Variants in EGFLAM observed in about 807,000 individuals in gnomAD.
EGFLAM encodes EGF like, fibronectin type III and laminin G domains.
EGFLAM carries 79 observed loss-of-function variants against 113.1 expected under a neutral mutation model. That is an observed-to-expected ratio of 0.70 (90% CI 0.58 to 0.84). The LOEUF (loss-of-function observed/expected upper bound fraction) is 0.84, where lower values mean the gene tolerates loss of function less well. Among genes scored for constraint, EGFLAM ranks in the 40% least tolerant of loss-of-function variants. The pLI, the probability that EGFLAM is intolerant of heterozygous loss-of-function variation, is 0.00. For missense variants in EGFLAM, 1,265 were observed against 1,291.6 expected, an observed-to-expected ratio of 0.98 and a Z score of 0.32; for synonymous variants, 504 against 487.6, an observed-to-expected ratio of 1.03 and a Z score of -0.44.
intron 5 of EGFLAM, among the ~76,000 whole-genome samples, chr5:38,354,195 G>T (rs997785407): frequency 2.1e-4 from 32 of 151,832 alleles, no homozygotes; most frequent in African/African-American, 7.5e-4. Context: ...GCTTTGCATT[G>T]AAGATAATCT....
chr5:38,436,328 T>A (rs555885635), intron 16 of EGFLAM, among the ~76,000 whole-genome samples: 51 of 152,088 alleles, frequency 3.4e-4, no homozygotes, highest in Non-Finnish European at 6.6e-4. Context: ...GGCTAAAGGA[T>A]CCTTTTTGGA....
In EGFLAM at chr5:38,464,200, C is replaced by G; in HGVS notation, c.*214C>G. Reference sequence around the variant, plus strand: ...CTCCACGAGCTGACCCAGCAGAATTCTCTGTGTAGGAAGCATCGGACTTTG... The same window carrying G: ...CTCCACGAGCTGACCCAGCAGAATTGTCTGTGTAGGAAGCATCGGACTTTG... On this transcript the variant is annotated 3_prime_UTR_variant, in exon 22 of 22. Coordinates refer to ENST00000322350, the MANE Select transcript of EGFLAM (RefSeq NM_152403.4). 1.7e-6 allele frequency: 1 copy of G among 592,630 alleles called. No homozygotes were observed. Among genetic ancestry groups the G allele is most frequent in the South Asian group, 2.3e-5 (1 of 42,788 alleles). 36.7% of individuals were successfully genotyped at this position (592,630 alleles called of 1,614,324 possible).
chr5:38,358,781 G>T (rs558966872), intron 5 of EGFLAM, among the ~76,000 whole-genome samples: 6 of 152,266 alleles, frequency 3.9e-5, no homozygotes, highest in African/African-American at 1.4e-4. Context: ...CTATTTGTTA[G>T]CTTTCTTTAT....
chr5:38,422,075 C>T (rs542978183), intron 12 of EGFLAM, among the ~76,000 whole-genome samples: 9 of 152,100 alleles, frequency 5.9e-5, no homozygotes, highest in East Asian at 5.8e-4. Context: ...GCCTCGGTTA[C>T]GGACTAGGGG....
intron 11 of EGFLAM, among the ~76,000 whole-genome samples, chr5:38,417,344 T>C (rs1741676837): frequency 1.5e-5 from 1 of 65,842 alleles, no homozygotes; most frequent in African/African-American, 7.0e-5. Flanking sequence ...CGAGACTCTG[T>C]CTCAAAAAAA....
Position 38,464,011 on chromosome 5 carries a change from C to G in EGFLAM, c.*25C>G, listed in dbSNP as rs1352509189. On this transcript the variant is annotated 3_prime_UTR_variant, in exon 22 of 22. Transcript: ENST00000322350. ...ACACCAGCTGGCCTTGTCCAAGGGA[C>G]AGAGCCTTCTATTCTGAGAATCCCA... 6.2e-7 allele frequency: 1 copy of G among 1,613,916 alleles called. No homozygotes were observed. Among genetic ancestry groups the G allele is most frequent in the Non-Finnish European group, 8.5e-7 (1 of 1,179,962 alleles).
intron 11 of EGFLAM, among the ~76,000 whole-genome samples, chr5:38,413,454 A>G (rs751071084): frequency 6.6e-6 from 1 of 151,668 alleles, no homozygotes; most frequent in Non-Finnish European, 1.5e-5. Flanking sequence ...CTGTTCATCT[A>G]CCTTTGAGGG....
chr5:38,360,705 C>T (rs1428177457), intron 5 of EGFLAM, among the ~76,000 whole-genome samples: 2 of 152,150 alleles, frequency 1.3e-5, no homozygotes, highest in African/African-American at 2.4e-5. Context: ...AGAACAGCGC[C>T]TAGCCCTTAG....
At chr5:38,345,334 A>G (rs982028865) in intron 3 of EGFLAM, 1 of 152,222 alleles carries the variant, frequency 6.6e-6, no homozygotes, top group African/African-American at 2.4e-5. Flanking sequence ...AACTATAATG[A>G]TGATACCAAT....
chr5:38,283,335 CA>C (rs1285665783), intron 1 of EGFLAM, among the ~76,000 whole-genome samples: 1 of 152,104 alleles, frequency 6.6e-6, no homozygotes, highest in Non-Finnish European at 1.5e-5. Flanking sequence ...GTAGGAATTA[CA>C]GTCTTCATTG....
At chr5:38,350,006 CT>C (rs1308509539) in intron 3 of EGFLAM, among the ~76,000 whole-genome samples, 1 of 151,774 alleles carries the variant, frequency 6.6e-6, no homozygotes, top group East Asian at 1.9e-4. Flanking sequence ...CACAGACATA[CT>C]TTTAAGAAAG....
chr5:38,304,179 A>T (rs1190608984), intron 1 of EGFLAM, among the ~76,000 whole-genome samples: 1 of 152,158 alleles, frequency 6.6e-6, no homozygotes, highest in East Asian at 1.9e-4. Flanking sequence ...AGCATTAAGG[A>T]ACACTGAGAA....
intron 3 of EGFLAM, among the ~76,000 whole-genome samples, chr5:38,344,057 T>G (rs1257785308): frequency 6.6e-6 from 1 of 152,236 alleles, no homozygotes; most frequent in Non-Finnish European, 1.5e-5. Flanking sequence ...CCAAATGATC[T>G]GTATTTCTAG....
chr5:38,331,983 T>C lies in EGFLAM; in HGVS notation c.98-5537T>C, dbSNP rs563211045. 7.1e-4 allele frequency among the ~76,000 whole-genome samples: 108 copies of C among 152,178 alleles called. 2 individuals are homozygous for C. Among genetic ancestry groups the C allele is most frequent in the Non-Finnish European group, 2.1e-4 (14 of 68,040 alleles). On this transcript the variant is annotated intron_variant, in intron 1 of 21. Transcript: ENST00000322350. The stretch of plus-strand genomic sequence containing the variant: ...CCAGTGGTATGATGAGCATGTTTGA[T>C]TTTGTAAGAAACTGCCAAACTGCCT...
intron 1 of EGFLAM, among the ~76,000 whole-genome samples, chr5:38,263,088 A>G (rs1757541646): frequency 6.6e-6 from 1 of 151,974 alleles, no homozygotes; most frequent in African/African-American, 2.4e-5. Context: ...GACTAATTAT[A>G]TTGAACATTT....
chr5:38,324,708 C>T (rs1402726879), intron 1 of EGFLAM, among the ~76,000 whole-genome samples: 1 of 152,124 alleles, frequency 6.6e-6, no homozygotes, highest in Non-Finnish European at 1.5e-5. Context: ...AAAGAGGCTG[C>T]AGAAGCTGTG....
chr5:38,440,449 TGC>T (rs1742496647), intron 17 of EGFLAM, among the ~76,000 whole-genome samples: 1 of 152,200 alleles, frequency 6.6e-6, no homozygotes, highest in Admixed American at 6.5e-5. Flanking sequence ...TGTGGGCAGT[TGC>T]CATGCCGACT....
At chr5:38,263,163 T>C (rs899845115) in intron 1 of EGFLAM, among the ~76,000 whole-genome samples, 2 of 152,236 alleles carry the variant, frequency 1.3e-5, no homozygotes, top group Non-Finnish European at 2.9e-5. Flanking sequence ...TGGCTGATTT[T>C]TAAAACTTGG....
At position 38,435,201 on chromosome 5, in the gene EGFLAM, A is replaced by T. The variant is rs759774711; in HGVS notation, c.2231A>T (p.Asp744Val). The change falls in exon 16 of 22, where the codon GAT (aspartate) becomes GTT (valine). Residue 744 changes from aspartate (D) to valine (V), a missense_variant. By Grantham distance (152) the Asp-to-Val change is radical (BLOSUM62 -3). Transcript: ENST00000322350. ...IFIGGVPNYD[D>V]VKKNSGVLKP... is the part of the protein sequence containing the mutation. ...ATTGGCGGAGTCCCCAATTATGATG[A>T]TGTGAAGAAGAACTCGGGTGTCCTG... 11 of 1,614,054 alleles carry T rather than the reference A, an allele frequency of 6.8e-6. No homozygotes were observed. Among genetic ancestry groups the T allele is most frequent in the Non-Finnish European group, 8.5e-6 (10 of 1,180,034 alleles).
Sources: gnomAD v4.1 joint callset for allele counts (sites outside exome capture counted in the v4.1 genomes callset) on GRCh38, gnomAD v4.1.1 for gene constraint, MANE v1.5 for transcripts, NCBI Gene and HGNC (gene_info 2026-07-23, HGNC 2026-07-21) for gene names.